The following UBE2Q2 variants were observed in gnomAD, a reference collection of about 807,000 sequenced individuals.
The protein encoded by UBE2Q2 is ubiquitin conjugating enzyme E2 Q2.
UBE2Q2 carries 54 observed loss-of-function variants against 59.9 expected under a neutral mutation model. That is an observed-to-expected ratio of 0.90 (90% CI 0.72 to 1.13). UBE2Q2 has a LOEUF of 1.13. Ranked by LOEUF, UBE2Q2 falls within the 50% of genes most tolerant of loss-of-function variation. The pLI is 0.00. For missense variants in UBE2Q2, 433 were observed against 441.9 expected, an observed-to-expected ratio of 0.98 and a Z score of 0.18; for synonymous variants, 165 against 155.2, an observed-to-expected ratio of 1.06 and a Z score of -0.47.
rs560674258 is a variant in UBE2Q2, at chr15:75,844,117, G to A, written c.180+271G>A. ...ATCTCGGTCCCCGTCTCCTAGCCCC[G>A]AGGGGGGAGTCCGCGGCGGCCCAAG... On this transcript the variant is annotated intron_variant, in intron 1 of 12. Coordinates refer to ENST00000267938, the MANE Select transcript of UBE2Q2 (RefSeq NM_173469.4). 4 of 1,415,486 alleles carry A rather than the reference G, an allele frequency of 2.8e-6. No individual in the cohort carries two copies. In the East Asian group the frequency reaches 7.8e-5, roughly 28 times the overall value. 87.7% of individuals were successfully genotyped at this position (1,415,486 alleles called of 1,614,324 possible).
chr15:75,876,092 G>T, intron 5 of UBE2Q2, 95 bp from the exon 6 acceptor site: 3 of 1,080,780 alleles, frequency 2.8e-6, no homozygotes, highest in South Asian at 1.5e-5. Flanking sequence ...AATGTTGAGT[G>T]GTGATCCATT....
chr15:75,843,732 G>C lies in UBE2Q2; in HGVS notation c.66G>C (p.Glu22Asp). The change falls in exon 1 of 13, where the codon GAG becomes GAC. Residue 22 changes from glutamate (E) to aspartate (D), a missense_variant. Glu to Asp is a conservative substitution (Grantham distance 45). Coordinates refer to ENST00000267938, the MANE Select transcript of UBE2Q2 (RefSeq NM_173469.4). ...CGTCCATCTTCGACAAGAACCACGA[G>C]CGATTCCGCATCGTCAGTTGGAAGC... ...FLASIFDKNH[E>D]RFRIVSWKLD... The C allele has an allele frequency of 6.2e-7, 1 of 1,611,728 alleles. No individual in the cohort carries two copies. The highest frequency in any genetic ancestry group is 8.5e-7 in the Non-Finnish European group (1 of 1,179,134).
At chr15:75,844,422 T>C (rs777413331) in intron 1 of UBE2Q2, 2 of 1,551,462 alleles carry the variant, frequency 1.3e-6, no homozygotes, top group South Asian at 2.4e-5. Context: ...GCGACCCCTC[T>C]CCCCCGGGCC....
intron 3 of UBE2Q2, among the ~76,000 whole-genome samples, chr15:75,868,490 C>T (rs1337618487): frequency 6.6e-6 from 1 of 152,112 alleles, no homozygotes; most frequent in Non-Finnish European, 1.5e-5. Context: ...ATCAATAACA[C>T]ATCTGACTGT....
intron 11 of UBE2Q2, among the ~76,000 whole-genome samples, chr15:75,896,007 G>T (rs900603347): frequency 6.6e-6 from 1 of 152,100 alleles, no homozygotes; most frequent in Non-Finnish European, 1.5e-5. Flanking sequence ...CCATATAATA[G>T]AAATATTTCA....
intron 3 of UBE2Q2, among the ~76,000 whole-genome samples, chr15:75,863,435 T>G (rs368775710): frequency 1.3e-5 from 2 of 151,984 alleles, no homozygotes; most frequent in African/African-American, 4.8e-5. Flanking sequence ...CTTCTGTTTT[T>G]TTTGTTTGTT....
chr15:75,856,267 GTGTATA>G (rs1183142507), intron 2 of UBE2Q2, among the ~76,000 whole-genome samples: 14 of 102,440 alleles, frequency 1.4e-4, no homozygotes, highest in African/African-American at 2.8e-4. Flanking sequence ...GTGTGTGTGT[GTGTATA>G]TATATATATA....
chr15:75,895,982 T>A (rs967267367), intron 11 of UBE2Q2, among the ~76,000 whole-genome samples: 2 of 152,230 alleles, frequency 1.3e-5, no homozygotes, highest in African/African-American at 2.4e-5. Flanking sequence ...GGGGACTGAT[T>A]AAATATTTGA....
At chr15:75,880,348 G>A (rs1483184250) in intron 8 of UBE2Q2, among the ~76,000 whole-genome samples, 2 of 152,000 alleles carry the variant, frequency 1.3e-5, no homozygotes, top group Non-Finnish European at 2.9e-5. Context: ...CCTAACCTCA[G>A]GTGATCTGCC....
chr15:75,856,246 CGTGTGTGT>C (rs370925975), intron 2 of UBE2Q2, among the ~76,000 whole-genome samples: 1 of 135,688 alleles, frequency 7.4e-6, no homozygotes, highest in Non-Finnish European at 1.5e-5. Context: ...TGTGTATATA[CGTGTGTGT>C]GTGTGTGTGT....
intron 3 of UBE2Q2, among the ~76,000 whole-genome samples, chr15:75,866,469 G>A (rs184272985): frequency 1.7e-4 from 26 of 152,178 alleles, no homozygotes; most frequent in Admixed American, 8.5e-4. Flanking sequence ...CACCGTGTCC[G>A]GCCTTCAGTA....
intron 11 of UBE2Q2, among the ~76,000 whole-genome samples, chr15:75,895,928 CATT>C (rs1899396543): frequency 6.6e-6 from 1 of 152,092 alleles, no homozygotes; most frequent in Non-Finnish European, 1.5e-5. Flanking sequence ...CTCTTGGCAA[CATT>C]ATAACAGCAA....
chr15:75,844,559 A>G (rs1896223031), intron 1 of UBE2Q2: 1 of 1,485,642 alleles, frequency 6.7e-7, no homozygotes, highest in Non-Finnish European at 9.1e-7. Flanking sequence ...GAAAGGAGAT[A>G]CGCGCCAGGG....
chr15:75,845,976 T>C (rs1896324148), intron 1 of UBE2Q2, among the ~76,000 whole-genome samples: 1 of 152,348 alleles, frequency 6.6e-6, no homozygotes, highest in African/African-American at 2.4e-5. Context: ...TAAAATTGAC[T>C]TGCTAGTGAA....
intron 9 of UBE2Q2, among the ~76,000 whole-genome samples, chr15:75,888,452 CT>C (rs1182406552): frequency 1.3e-5 from 2 of 152,130 alleles, no homozygotes; most frequent in Admixed American, 6.5e-5. Context: ...GGCAACTGAA[CT>C]TTTTTAAAGT....
At chr15:75,862,451 CTATT>C (rs1036961008) in intron 3 of UBE2Q2, among the ~76,000 whole-genome samples, 1 of 145,606 alleles carries the variant, frequency 6.9e-6, no homozygotes, top group African/African-American at 2.5e-5. Flanking sequence ...CCTCAGGTAT[CTATT>C]CTATGTTGCT....
chr15:75,846,761 T>C (rs1230592300), intron 1 of UBE2Q2, among the ~76,000 whole-genome samples: 1 of 152,234 alleles, frequency 6.6e-6, no homozygotes, highest in Non-Finnish European at 1.5e-5. Flanking sequence ...TGCTAGGACT[T>C]GTTTTCTTTA....
intron 8 of UBE2Q2, among the ~76,000 whole-genome samples, chr15:75,880,297 G>C (rs1465436027): frequency 6.6e-6 from 1 of 151,914 alleles, no homozygotes; most frequent in African/African-American, 2.4e-5. Context: ...ATTTTTAGTA[G>C]AGACGGGGTT....
At chr15:75,847,344 G>A (rs1896405132) in intron 1 of UBE2Q2, among the ~76,000 whole-genome samples, 2 of 152,128 alleles carry the variant, frequency 1.3e-5, no homozygotes, top group Admixed American at 6.5e-5. Flanking sequence ...AGGGCTTGAT[G>A]GAAGTCTGTA....
Sources: gnomAD v4.1 joint callset for allele counts (sites outside exome capture counted in the v4.1 genomes callset) on GRCh38, gnomAD v4.1.1 for gene constraint, MANE v1.5 for transcripts, NCBI Gene and HGNC (gene_info 2026-07-23, HGNC 2026-07-21) for gene names.